Variants in NUDT4 observed in about 807,000 individuals in gnomAD.
NUDT4 encodes diphosphoinositol polyphosphate phosphohydrolase 2.
In NUDT4, 5 loss-of-function variants were observed where a neutral mutation model predicts 23.1. The ratio of observed to expected loss-of-function variants is 0.22; its 90% CI spans 0.11 to 0.46. The LOEUF is 0.46. Ranked by LOEUF, NUDT4 falls within the 20% of genes least tolerant of loss-of-function variation. The probability of loss-of-function intolerance (pLI) is 0.99; values close to 1 mark genes in which losing one functional copy is unlikely to be tolerated. For synonymous variants in NUDT4, 50 were observed against 79.0 expected (o/e 0.63, Z 1.95); for missense variants, 96 against 211.6 (o/e 0.45, Z 3.39).
At chr12:93,393,154 G>A (rs4520687) in intron 1 of NUDT4, among the ~76,000 whole-genome samples, 1 of 132,706 alleles carries the variant, frequency 7.5e-6, no homozygotes, top group Non-Finnish European at 1.6e-5. Flanking sequence ...GAGTGCAGTG[G>A]TGCAATCTCT....
At chr12:93,392,635 G>A (rs1260172950) in intron 1 of NUDT4, among the ~76,000 whole-genome samples, 1 of 129,740 alleles carries the variant, frequency 7.7e-6, no homozygotes, top group Non-Finnish European at 1.6e-5. Flanking sequence ...AAGGTAATAG[G>A]GTATTTTTGT....
In NUDT4 at chr12:93,407,549, T is replaced by A. The variant is rs1241182563; in HGVS notation, c.*8170T>A. ...AGTAACTGGTGAGAAGACAATGACATGCTCTTAGGGTGTCTGCTACTCAGA... is the reference window on the plus strand; with the variant it reads ...AGTAACTGGTGAGAAGACAATGACAAGCTCTTAGGGTGTCTGCTACTCAGA... On this transcript the variant is annotated 3_prime_UTR_variant, in exon 5 of 5. Transcript: ENST00000415493. The A allele has an allele frequency of 6.6e-6, 1 of 152,226 alleles. No homozygotes were observed. The highest frequency in any genetic ancestry group is 1.5e-5 in the Non-Finnish European group (1 of 68,054). 9.4% of individuals were successfully genotyped at this position (152,226 alleles called of 1,614,324 possible).
At chr12:93,393,120 A>C (rs1185429230) in intron 1 of NUDT4, among the ~76,000 whole-genome samples, 2 of 102,096 alleles carry the variant, frequency 2.0e-5, no homozygotes, top group African/African-American at 8.2e-5. Context: ...CCCGAGATGG[A>C]GTCTTGCTCT....
intron 1 of NUDT4, among the ~76,000 whole-genome samples, chr12:93,388,626 C>T (rs1876271257): frequency 1.3e-5 from 2 of 152,204 alleles, no homozygotes; most frequent in African/African-American, 4.8e-5. Context: ...ATACCATGTG[C>T]ATGATGCTTC....
intron 1 of NUDT4, among the ~76,000 whole-genome samples, chr12:93,385,516 C>A (rs894407370): frequency 6.6e-6 from 1 of 152,176 alleles, no homozygotes; most frequent in Admixed American, 6.5e-5. Flanking sequence ...AAGGGAATTT[C>A]AAACCTATGA....
chr12:93,395,903 T>C (rs897589123), intron 3 of NUDT4, among the ~76,000 whole-genome samples: 1 of 152,162 alleles, frequency 6.6e-6, no homozygotes, highest in African/African-American at 2.4e-5. Flanking sequence ...GTATTTTTAA[T>C]AGAGATGGGG....
intron 1 of NUDT4, among the ~76,000 whole-genome samples, chr12:93,381,805 T>C (rs1391877938): frequency 4.6e-5 from 7 of 152,232 alleles, no homozygotes; most frequent in African/African-American, 1.7e-4. Context: ...TGAACTTAGT[T>C]TTGAACAAAG....
chr12:93,400,688 C>T lies in NUDT4; in HGVS notation c.*1309C>T, dbSNP rs1877331003. ...GCAATGGCACAATCTCAACTCACCG[C>T]AACCTCCGCCTCCCGGGTTCAAGCG... is the stretch of plus-strand genomic sequence containing the variant. On this transcript the variant is annotated 3_prime_UTR_variant, in exon 5 of 5. Transcript: ENST00000415493. 1 of 152,538 alleles carries T rather than the reference C, an allele frequency of 6.6e-6. No homozygotes were observed. Among genetic ancestry groups the T allele is most frequent in the South Asian group, 2.1e-4 (1 of 4,840 alleles). The allele number at this position is 152,538 out of a possible 1,614,324, so 9.4% of individuals were successfully genotyped here.
chr12:93,400,239 A>T lies in NUDT4; in HGVS notation c.*860A>T, dbSNP rs1173514659. ...TCCCTCAGTGTAGATTGCTCTTAAA[A>T]TGTATTCAGTTATTTAGTGGCCCCC... On this transcript the variant is annotated 3_prime_UTR_variant, in exon 5 of 5. Transcript: ENST00000415493. 1.3e-5 allele frequency: 2 copies of T among 150,306 alleles called. No individual in the cohort carries two copies. Among genetic ancestry groups the T allele is most frequent in the Non-Finnish European group, 3.0e-5 (2 of 67,454 alleles). 9.3% of individuals were successfully genotyped at this position (150,306 alleles called of 1,614,324 possible).
chr12:93,392,666 C>T (rs74320062), intron 1 of NUDT4, among the ~76,000 whole-genome samples: 102 of 76,128 alleles, frequency 1.3e-3, no homozygotes, highest in Non-Finnish European at 1.9e-3. Flanking sequence ...AGATTTCAGT[C>T]TTTTTTTTTT....
chr12:93,382,537 T>C (rs950548344), intron 1 of NUDT4, among the ~76,000 whole-genome samples: 3 of 152,178 alleles, frequency 2.0e-5, no homozygotes, highest in Non-Finnish European at 4.4e-5. Context: ...CTAGCATTTT[T>C]ATACTTAGAA....
intron 1 of NUDT4, among the ~76,000 whole-genome samples, chr12:93,391,297 G>C (rs1739560954): frequency 6.6e-6 from 1 of 152,032 alleles, no homozygotes; most frequent in South Asian, 2.1e-4. Flanking sequence ...GGGCATGGTG[G>C]CTTACTCCTG....
In NUDT4 at chr12:93,399,189, A is replaced by G; in HGVS notation, c.353A>G (p.Glu118Gly). The change falls in exon 5 of 5, where the codon GAG (glutamate) becomes GGG (glycine). Residue 118 changes from glutamate to glycine, a missense_variant. Transcript: ENST00000415493. ...TTCTTTTCTCTAGGAAGGAAGAGAG[A>G]GTGGTTCAAAGTAGAAGATGCTATC... ...EDSVNIGRKR[E>G]WFKVEDAIKV... is the part of the protein sequence containing the mutation. 1 of 1,604,960 alleles carries G rather than the reference A, an allele frequency of 6.2e-7. No individual in the cohort carries two copies. Among genetic ancestry groups the G allele is most frequent in the Non-Finnish European group, 8.5e-7 (1 of 1,171,732 alleles).
chr12:93,398,177 T>TA (rs1877069750), intron 3 of NUDT4, among the ~76,000 whole-genome samples: 1 of 151,352 alleles, frequency 6.6e-6, no homozygotes, highest in Non-Finnish European at 1.5e-5. Flanking sequence ...CCGTCTGTAC[T>TA]AAAAATACAA....
In NUDT4 at chr12:93,406,180, A is replaced by C. The variant is rs1877800981; in HGVS notation, c.*6801A>C. The C allele has an allele frequency of 6.7e-6, 1 of 148,930 alleles. No homozygotes were observed. Among genetic ancestry groups the C allele is most frequent in the African/African-American group, 2.5e-5 (1 of 40,544 alleles). 9.2% of individuals were successfully genotyped at this position (148,930 alleles called of 1,614,324 possible). A position where few individuals can be genotyped will look rare whatever the true frequency, so the allele number is the denominator to read the frequency against. ...CTCCTCAGGAGGCTGAGGCAGGAGA[A>C]TCGCTTGAACGCGGGAGGCAGAACC... is the stretch of plus-strand genomic sequence containing the variant. On this transcript the variant is annotated 3_prime_UTR_variant, in exon 5 of 5. Transcript: ENST00000415493.
In NUDT4 at chr12:93,398,813, G is replaced by C. The variant is rs757584490; in HGVS notation, c.298G>C (p.Val100Leu). ...CAGAACATATGTTTATGTTCTAACAGTCACTGAAATATTAGAAGATTGGGA... is the reference window on the plus strand; with the variant it reads ...CAGAACATATGTTTATGTTCTAACACTCACTGAAATATTAGAAGATTGGGA... Reference protein sequence around the residue: ...KHRTYVYVLTVTEILEDWEDS... With the variant: ...KHRTYVYVLTLTEILEDWEDS... The change falls in exon 4 of 5, where the codon GTC (valine) becomes CTC (leucine). Residue 100 changes from valine to leucine, a missense_variant. Coordinates refer to ENST00000415493, the MANE Select transcript of NUDT4 (RefSeq NM_019094.6). 1 of 1,606,448 alleles carries C rather than the reference G, an allele frequency of 6.2e-7. No individual in the cohort carries two copies. Among genetic ancestry groups the C allele is most frequent in the Non-Finnish European group, 8.5e-7 (1 of 1,174,178 alleles).
chr12:93,402,518 T>C lies in NUDT4; in HGVS notation c.*3139T>C, dbSNP rs1409793128. 1.3e-5 allele frequency: 2 copies of C among 152,212 alleles called. No individual in the cohort carries two copies. The highest frequency in any genetic ancestry group is 4.8e-5 in the African/African-American group (2 of 41,446). The allele number at this position is 152,212 out of a possible 1,614,324, so 9.4% of individuals were successfully genotyped here. ...AATTCCACAGTAACACCTTTACTGT[T>C]CTCCCATTGATGATCATATACGTTA... On this transcript the variant is annotated 3_prime_UTR_variant, in exon 5 of 5. Coordinates refer to ENST00000415493, the MANE Select transcript of NUDT4 (RefSeq NM_019094.6).
chr12:93,396,639 C>T (rs141528890), intron 3 of NUDT4, among the ~76,000 whole-genome samples: 368 of 152,256 alleles, frequency 2.4e-3, no homozygotes, highest in Middle Eastern at 0.01. Flanking sequence ...GTTGGCCGGG[C>T]GTGGTGGCTC....
chr12:93,407,208 T>G lies in NUDT4; in HGVS notation c.*7829T>G, dbSNP rs1263838947. The G allele has an allele frequency of 2.0e-5, 3 of 152,322 alleles. No homozygotes were observed. The highest frequency in any genetic ancestry group is 2.9e-5 in the Non-Finnish European group (2 of 68,162). 9.4% of individuals were successfully genotyped at this position (152,322 alleles called of 1,614,324 possible). A position where few individuals can be genotyped will look rare whatever the true frequency, so the allele number is the denominator to read the frequency against. On this transcript the variant is annotated 3_prime_UTR_variant, in exon 5 of 5. Coordinates refer to ENST00000415493, the MANE Select transcript of NUDT4 (RefSeq NM_019094.6). The stretch of plus-strand genomic sequence containing the variant: ...AGATTCTTTTCTTCTCTCCCAGGAC[T>G]TTGCAGATGCTGCTGTTCCCTCTGC...
Sources: allele counts gnomAD v4.1 joint callset (sites outside exome capture counted in the v4.1 genomes callset), GRCh38; gene constraint gnomAD v4.1.1; transcripts MANE v1.5; gene names NCBI Gene and HGNC (gene_info 2026-07-23, HGNC 2026-07-21).